The following NRG4 variants were observed in gnomAD, a reference collection of about 807,000 sequenced individuals.
NRG4 encodes the protein pro-neuregulin-4, membrane-bound isoform.
A neutral mutation model predicts 15.0 loss-of-function variants in NRG4; 10 were observed. The observed-to-expected ratio is 0.67, with a 90% CI of 0.41 to 1.13. The LOEUF (loss-of-function observed/expected upper bound fraction) is 1.13. Ranked by LOEUF, NRG4 falls within the 50% of genes most tolerant of loss-of-function variation. NRG4 has a pLI of 0.00. For missense variants in NRG4, 139 were observed against 140.2 expected (o/e 0.99, Z 0.04); for synonymous variants, 41 against 50.1 (o/e 0.82, Z 0.77).
rs184264964 is a variant in NRG4 at position 75,980,029 on chromosome 15, T to C, written c.105-18055A>G. ...AAGACGTTTGTGGCTATATATGCAG[T>C]ATCTAAATATTACCTAACTTTTATT... On this transcript the variant is annotated intron_variant, in intron 3 of 5. Transcript: ENST00000394907. Among the ~76,000 whole-genome samples the C allele has an allele frequency of 7.2e-5, 11 of 152,314 alleles. No individual in the cohort carries two copies. In the East Asian group the frequency reaches 1.9e-3, roughly 27 times the overall value.
chr15:75,949,812 A>C (rs910479574), intron 5 of NRG4, among the ~76,000 whole-genome samples: 3 of 152,222 alleles, frequency 2.0e-5, no homozygotes, highest in African/African-American at 4.8e-5. Flanking sequence ...AAACTGCCCC[A>C]GTATCATCTG....
chr15:75,940,466 T>TG (rs1409943733), downstream of NRG4: 2 of 151,936 alleles, frequency 1.3e-5, no homozygotes, highest in African/African-American at 4.8e-5. Flanking sequence ...TTTTTTTTTT[T>TG]TTTTGCAGAA....
rs2031056914 is a variant in NRG4 at position 75,942,179 on chromosome 15, TGGAGTAGAGA to T, written c.*1449_*1458del. Reference sequence around the variant, plus strand: ...TGGGAGAGAGGGAGGGGTAAATACATGGAGTAGAGATTTTTAGGGTGGTGAAACTACTGTA... The same window carrying T: ...TGGGAGAGAGGGAGGGGTAAATACATTTTTTAGGGTGGTGAAACTACTGTA... On this transcript the variant is annotated 3_prime_UTR_variant, in exon 6 of 6. Coordinates refer to ENST00000394907, the MANE Select transcript of NRG4 (RefSeq NM_138573.4). The T allele has an allele frequency of 6.6e-6, 1 of 151,868 alleles. No individual in the cohort carries two copies. Among genetic ancestry groups the T allele is most frequent in the East Asian group, 1.9e-4 (1 of 5,186 alleles). 9.4% of individuals were successfully genotyped at this position (151,868 alleles called of 1,614,324 possible). A position where few individuals can be genotyped will look rare whatever the true frequency, so the allele number is the denominator to read the frequency against.
At chr15:76,027,894 T>C (rs535254134) in intron 5 of NRG4, among the ~76,000 whole-genome samples, 5 of 151,906 alleles carry the variant, frequency 3.3e-5, no homozygotes, top group African/African-American at 1.2e-4. Context: ...TACAAATACA[T>C]GGAAATTAAA....
At chr15:75,964,925 T>TA (rs111236207) in intron 3 of NRG4, among the ~76,000 whole-genome samples, 2,779 of 149,008 alleles carry the variant, frequency 0.019, 79 homozygotes, top group African/African-American at 0.064. Flanking sequence ...CTATTCCAAA[T>TA]AAAAAAAAGA....
chr15:75,965,138 T>C (rs2032736352), intron 3 of NRG4, among the ~76,000 whole-genome samples: 1 of 151,406 alleles, frequency 6.6e-6, no homozygotes, highest in South Asian at 2.1e-4. Flanking sequence ...GGCAGGAGAA[T>C]GGCGTGAACC....
chr15:76,003,259 A>T (rs1477047502), intron 3 of NRG4, among the ~76,000 whole-genome samples: 1 of 152,200 alleles, frequency 6.6e-6, no homozygotes, highest in East Asian at 1.9e-4. Context: ...AAACATTTGA[A>T]TTAAACAAAA....
intron 4 of NRG4, among the ~76,000 whole-genome samples, chr15:76,045,474 C>T (rs2035848346): frequency 6.6e-6 from 1 of 151,076 alleles, no homozygotes; most frequent in Non-Finnish European, 1.5e-5. Flanking sequence ...TATCTACACT[C>T]CCATGTTTAC....
At chr15:75,965,303 T>C (rs2032746023) in intron 3 of NRG4, among the ~76,000 whole-genome samples, 2 of 152,162 alleles carry the variant, frequency 1.3e-5, no homozygotes, top group Admixed American at 1.3e-4. Flanking sequence ...TACTTTGAGT[T>C]GGAAGGAGTC....
In NRG4 at chr15:76,009,233, T is replaced by A. The variant is rs1352983191; in HGVS notation, c.71A>T (p.Tyr24Phe). 16 of 1,603,558 alleles carry A rather than the reference T, an allele frequency of 1.0e-5. No individual in the cohort carries two copies. The highest frequency in any genetic ancestry group is 1.0e-5 in the Non-Finnish European group (12 of 1,171,064). ...KSFCLNGGLC[Y>F]VIPTIPSPFC... Reference sequence around the variant, plus strand: ...TGGGCTGGGAATAGTAGGTATCACATAACAAAGCCCCCCATTCAGGCAAAA... The same window carrying A: ...TGGGCTGGGAATAGTAGGTATCACAAAACAAAGCCCCCCATTCAGGCAAAA... The change falls in exon 3 of 6, where the codon TAT becomes TTT. Residue 24 changes from tyrosine to phenylalanine, a missense_variant. Physicochemically the swap from Tyr to Phe is conservative, Grantham distance 22. Transcript: ENST00000394907.
chr15:75,947,356 T>G (rs531986353), intron 5 of NRG4, among the ~76,000 whole-genome samples: 1 of 152,268 alleles, frequency 6.6e-6, no homozygotes, highest in South Asian at 2.1e-4. Flanking sequence ...TGAGTAATAA[T>G]CTAAGACTCC....
chr15:75,962,671 A>G (rs1230615777), intron 3 of NRG4, among the ~76,000 whole-genome samples: 1 of 152,228 alleles, frequency 6.6e-6, no homozygotes, highest in Non-Finnish European at 1.5e-5. Flanking sequence ...ACAAAGAACC[A>G]TAATATTTGG....
intron 4 of NRG4, among the ~76,000 whole-genome samples, chr15:76,039,648 T>C (rs1380156522): frequency 1.3e-5 from 2 of 152,168 alleles, no homozygotes; most frequent in Non-Finnish European, 1.5e-5. Context: ...CTAAGAGTTA[T>C]TGGCCTTAAA....
intron 5 of NRG4, among the ~76,000 whole-genome samples, chr15:75,948,066 C>T (rs1346221023): frequency 6.6e-6 from 1 of 152,072 alleles, no homozygotes; most frequent in Non-Finnish European, 1.5e-5. Context: ...CAAATCCTTA[C>T]CAGATACATG....
At chr15:76,011,318 A>G (rs879202869) in intron 1 of NRG4, 32 bp from the exon 2 acceptor site, 2 of 1,105,624 alleles carry the variant, frequency 1.8e-6, no homozygotes, top group South Asian at 6.3e-5. Context: ...TAATTCAGGG[A>G]AAATAGTCTT....
chr15:75,979,325 A>G (rs1171543835), intron 3 of NRG4, among the ~76,000 whole-genome samples: 1 of 152,164 alleles, frequency 6.6e-6, no homozygotes, highest in African/African-American at 2.4e-5. Flanking sequence ...CTGTGGTTAT[A>G]TCAGCAAAAC....
At chr15:75,963,381 C>T (rs1012350721) in intron 3 of NRG4, among the ~76,000 whole-genome samples, 26 of 152,124 alleles carry the variant, frequency 1.7e-4, no homozygotes, top group African/African-American at 5.6e-4. Flanking sequence ...CAGTGACTCA[C>T]GCCTCTACTC....
chr15:75,960,379 AC>A lies in NRG4; in HGVS notation c.251+1448del. On this transcript the variant is annotated intron_variant, in intron 4 of 5. Coordinates refer to ENST00000394907, the MANE Select transcript of NRG4 (RefSeq NM_138573.4). ...CTGGTTATCTACTTATGCATAACAT[AC>A]CACCCCAAACTTGGGGGATAAAAAA... 1.3e-5 allele frequency among the ~76,000 whole-genome samples: 2 copies of A among 152,286 alleles called. 1 individual carries two copies. The highest frequency in any genetic ancestry group is 2.9e-5 in the Non-Finnish European group (2 of 68,018).
intron 4 of NRG4, among the ~76,000 whole-genome samples, chr15:76,037,708 G>C (rs1434481419): frequency 6.6e-6 from 1 of 152,118 alleles, no homozygotes; most frequent in Non-Finnish European, 1.5e-5. Flanking sequence ...ACACAAGCCA[G>C]GGCACCTAAG....
Sources: allele counts gnomAD v4.1 joint callset (sites outside exome capture counted in the v4.1 genomes callset), GRCh38; gene constraint gnomAD v4.1.1; transcripts MANE v1.5; gene names NCBI Gene and HGNC (gene_info 2026-07-23, HGNC 2026-07-21).